Variants in PCDHA2 observed in about 807,000 individuals in gnomAD.
PCDHA2 encodes the protein protocadherin alpha 2, also known as protocadherin alpha-2.
Under a neutral mutation model 66.0 loss-of-function variants are expected in PCDHA2, and 58 were observed. That is an observed-to-expected ratio of 0.88 (90% CI 0.71 to 1.09). The LOEUF is 1.09. PCDHA2 is among the 50% of genes least tolerant of loss of function. The pLI, the probability that PCDHA2 is intolerant of heterozygous loss-of-function variation, is 0.00. For missense variants in PCDHA2, 1,267 were observed against 1,242.3 expected (o/e 1.02, Z -0.30); for synonymous variants, 634 against 554.0 (o/e 1.14, Z -2.03).
chr5:140,801,281 C>A (rs150081104), intron 1 of PCDHA2: 6 of 1,613,424 alleles, frequency 3.7e-6, no homozygotes, highest in Non-Finnish European at 5.1e-6. Flanking sequence ...AGGTGGGGAG[C>A]GGCCAGCTCC....
chr5:140,822,245 C>A, intron 1 of PCDHA2: 2 of 1,614,182 alleles, frequency 1.2e-6, no homozygotes, highest in Non-Finnish European at 1.7e-6. Context: ...GAGGGCGCGT[C>A]GGATTTGGAT....
At chr5:140,836,424 C>G (rs2150260544) in intron 1 of PCDHA2, 1 of 1,613,814 alleles carries the variant, frequency 6.2e-7, no homozygotes, top group Non-Finnish European at 8.5e-7. Context: ...GGCGTCGTCG[C>G]GGGCATCGTT....
intron 1 of PCDHA2, chr5:140,834,582 G>C (rs1554134344): frequency 5.6e-6 from 9 of 1,614,016 alleles, no homozygotes; most frequent in Non-Finnish European, 7.6e-6. Flanking sequence ...GTTCCGGGCG[G>C]TGTGCAAATT....
chr5:140,886,062 C>T (rs925772414), intron 1 of PCDHA2, among the ~76,000 whole-genome samples: 10 of 152,172 alleles, frequency 6.6e-5, no homozygotes, highest in Non-Finnish European at 1.2e-4. Context: ...CTTACAAAAG[C>T]GTAGGGCCAT....
At chr5:140,805,883 AG>A (rs1763645566) in intron 1 of PCDHA2, among the ~76,000 whole-genome samples, 1 of 152,220 alleles carries the variant, frequency 6.6e-6, no homozygotes, top group African/African-American at 2.4e-5. Context: ...AGGCAATGGA[AG>A]GAAGCAAACA....
chr5:140,883,817 G>A, intron 1 of PCDHA2: 1 of 1,612,636 alleles, frequency 6.2e-7, no homozygotes, highest in Non-Finnish European at 8.5e-7. Context: ...GAGCGGCAAG[G>A]TGTACGCGCT....
intron 1 of PCDHA2, chr5:140,829,962 T>A (rs2150178663): frequency 1.2e-6 from 2 of 1,613,904 alleles, no homozygotes. Context: ...CCGTTTCGCG[T>A]GGGGCTGTAC....
chr5:140,823,603 C>T (rs2150127370), intron 1 of PCDHA2: 1 of 1,614,048 alleles, frequency 6.2e-7, no homozygotes, highest in South Asian at 1.1e-5. Context: ...TTCGTATGAG[C>T]TGCAGCCAGC....
intron 1 of PCDHA2, among the ~76,000 whole-genome samples, chr5:140,937,501 C>T (rs2091550832): frequency 6.6e-6 from 1 of 152,126 alleles, no homozygotes; most frequent in Admixed American, 6.5e-5. Context: ...CCCGTAATCC[C>T]AGCTACTCAG....
intron 1 of PCDHA2, chr5:140,807,462 G>T: frequency 6.2e-7 from 1 of 1,608,784 alleles, no homozygotes; most frequent in Non-Finnish European, 8.5e-7. Context: ...CGGATCGACC[G>T]GGAGGAGCTG....
chr5:140,983,228 A>G (rs1012242202), intron 3 of PCDHA2, among the ~76,000 whole-genome samples: 1 of 152,240 alleles, frequency 6.6e-6, no homozygotes, highest in South Asian at 2.1e-4. Flanking sequence ...CCAAACTTTC[A>G]GGAAAGAGAA....
At chr5:140,808,081 T>G (rs782221936) in intron 1 of PCDHA2, 1 of 1,613,918 alleles carries the variant, frequency 6.2e-7, no homozygotes, top group African/African-American at 1.3e-5. Context: ...TAGATCCAAT[T>G]ACTGGACAAA....
rs2150417290 is a variant in PCDHA2 at position 140,848,687 on chromosome 5, C to G, written c.2388+51335C>G. 1.9e-3 allele frequency: 2,953 copies of G among 1,592,340 alleles called. 211 individuals are homozygous for G. The African/African-American group carries it at 0.035, about 19-fold the overall frequency. The stretch of plus-strand genomic sequence containing the variant: ...TGGCGGAGCTGGTGCCGCGCCTGTT[C>G]CAGTTGGATTCCAAAGGCCGCGGGG... On this transcript the variant is annotated intron_variant, in intron 1 of 3. Transcript: ENST00000526136.
At chr5:140,848,403 G>A (rs1052101954) in intron 1 of PCDHA2, 4 of 1,316,724 alleles carry the variant, frequency 3.0e-6, no homozygotes. Context: ...GCTGAACGAT[G>A]GCGAACACAG....
chr5:140,843,295 G>A lies in PCDHA2; in HGVS notation c.2388+45943G>A, dbSNP rs2150356733. On this transcript the variant is annotated intron_variant, in intron 1 of 3. Transcript: ENST00000526136. ...TGGTGAAGGATCATGGTGAACCTGC[G>A]CTGACCGCCACGGCCACGGTTCTGG... is the stretch of plus-strand genomic sequence containing the variant. 8.4e-5 allele frequency: 134 copies of A among 1,595,834 alleles called. 14 individuals are homozygous for A. In the Admixed American group the frequency reaches 2.2e-3, roughly 27 times the overall value.
chr5:140,827,884 A>T, intron 1 of PCDHA2: 1 of 684,502 alleles, frequency 1.5e-6, no homozygotes, highest in East Asian at 2.6e-5. Context: ...ACGTGAATTG[A>T]TTTCTTACCT....
At chr5:140,857,576 C>T in intron 1 of PCDHA2, 1 of 1,596,780 alleles carries the variant, frequency 6.3e-7, no homozygotes, top group African/African-American at 1.3e-5. Flanking sequence ...CGTGTCGGTG[C>T]ACGCGGAGAG....
At chr5:140,803,202 C>A (rs1763143808) in intron 1 of PCDHA2, 1 of 1,613,788 alleles carries the variant, frequency 6.2e-7, no homozygotes, top group Non-Finnish European at 8.5e-7. Flanking sequence ...GCTGGTGTCG[C>A]TGGTGGAGAG....
intron 1 of PCDHA2, chr5:140,830,490 G>A: frequency 1.3e-6 from 2 of 1,489,110 alleles, no homozygotes; most frequent in Non-Finnish European, 1.8e-6. Context: ...GCCAAAGTAA[G>A]TGAATTTTCA....
Sources: gnomAD v4.1 joint callset for allele counts (sites outside exome capture counted in the v4.1 genomes callset) on GRCh38, gnomAD v4.1.1 for gene constraint, MANE v1.5 for transcripts, NCBI Gene and HGNC (gene_info 2026-07-23, HGNC 2026-07-21) for gene names.